Variants in ARHGEF3 observed in about 807,000 individuals in gnomAD.
ARHGEF3 encodes the protein Rho guanine nucleotide exchange factor 3, also known as 59.8 kDA protein.
ARHGEF3 carries 28 observed loss-of-function variants against 63.2 expected under a neutral mutation model. The observed-to-expected ratio is 0.44, with a 90% CI of 0.33 to 0.61. The LOEUF (loss-of-function observed/expected upper bound fraction) is 0.61. ARHGEF3 is among the 20% of genes least tolerant of loss of function. ARHGEF3 has a pLI of 0.03. For synonymous variants in ARHGEF3, 266 were observed against 254.2 expected (o/e 1.05, Z -0.44); for missense variants, 533 against 659.3 (o/e 0.81, Z 2.10).
intron 2 of ARHGEF3, among the ~76,000 whole-genome samples, chr3:57,013,994 G>A (rs901344765): frequency 6.6e-6 from 1 of 152,172 alleles, no homozygotes; most frequent in Non-Finnish European, 1.5e-5. Flanking sequence ...TCTTGCTGCT[G>A]CTCACTCTTT....
intron 1 of ARHGEF3, among the ~76,000 whole-genome samples, chr3:57,047,377 A>C (rs750706761): frequency 2.0e-4 from 28 of 136,966 alleles, no homozygotes; most frequent in Admixed American, 3.7e-4. Flanking sequence ...AAAAACAAAC[A>C]AAAAAAAAAC....
chr3:56,995,267 G>T (rs1267838331), intron 2 of ARHGEF3, among the ~76,000 whole-genome samples: 1 of 151,992 alleles, frequency 6.6e-6, no homozygotes, highest in Non-Finnish European at 1.5e-5. Context: ...TCTGGGGGGT[G>T]GAGTTCAGTG....
At chr3:56,992,233 T>C (rs1006403441) in intron 2 of ARHGEF3, among the ~76,000 whole-genome samples, 9 of 151,740 alleles carry the variant, frequency 5.9e-5, no homozygotes, top group Admixed American at 5.9e-4. Flanking sequence ...TTGCCCAGGC[T>C]AAGTATATAT....
At chr3:56,807,423 G>A (rs562425334) in intron 4 of ARHGEF3, among the ~76,000 whole-genome samples, 20 of 152,308 alleles carry the variant, frequency 1.3e-4, no homozygotes, top group Admixed American at 1.2e-3. Flanking sequence ...TGAATAAGGA[G>A]CTCAAGGAAC....
At chr3:56,751,441 A>C in intron 4 of ARHGEF3, 45 bp from the exon 5 acceptor site, 1 of 1,526,492 alleles carries the variant, frequency 6.6e-7, no homozygotes, top group Non-Finnish European at 9.1e-7. Context: ...TTAAAATCAG[A>C]GGAAGTACAT....
chr3:56,847,646 C>T (rs1283763248), intron 4 of ARHGEF3, among the ~76,000 whole-genome samples: 4 of 152,086 alleles, frequency 2.6e-5, no homozygotes, highest in Non-Finnish European at 5.9e-5. Context: ...GGCGTGGTCT[C>T]GGCTCACTGC....
intron 3 of ARHGEF3, among the ~76,000 whole-genome samples, chr3:56,929,308 AC>A (rs2042352118): frequency 6.6e-6 from 1 of 152,158 alleles, no homozygotes; most frequent in African/African-American, 2.4e-5. Flanking sequence ...TCACAGCCCA[AC>A]TTTCTTCTGC....
At chr3:56,851,213 A>C (rs1209231206) in intron 4 of ARHGEF3, among the ~76,000 whole-genome samples, 1 of 152,040 alleles carries the variant, frequency 6.6e-6, no homozygotes, top group Non-Finnish European at 1.5e-5. Context: ...GTTAAGGACA[A>C]AAGGCTATTG....
rs150260417 is a variant in ARHGEF3, at chr3:57,014,042, C to T, written c.62+21046G>A. ...CCTTTATGAGCTGTAACACTCACCG[C>T]GAAGGTCTGGAGCTTCACTCTTAAA... is the stretch of plus-strand genomic sequence containing the variant. On this transcript the variant is annotated intron_variant, in intron 2 of 12. Coordinates refer to the ARHGEF3 transcript ENST00000338458. Among the ~76,000 whole-genome samples, 276 of 152,214 alleles carry T rather than the reference C, an allele frequency of 1.8e-3. 1 individual carries two copies. The highest frequency in any genetic ancestry group is 3.4e-3 in the Middle Eastern group (1 of 294).
At chr3:56,827,403 T>C (rs2038761642) in intron 4 of ARHGEF3, among the ~76,000 whole-genome samples, 1 of 152,060 alleles carries the variant, frequency 6.6e-6, no homozygotes, top group Admixed American at 6.5e-5. Context: ...ATGAACTGAG[T>C]GGTCCAGGTT....
At chr3:56,837,562 C>A (rs981687457) in intron 4 of ARHGEF3, among the ~76,000 whole-genome samples, 2 of 152,156 alleles carry the variant, frequency 1.3e-5, no homozygotes, top group African/African-American at 4.8e-5. Flanking sequence ...AGAAATAGAC[C>A]ATTTCATGAA....
At position 56,731,895 on chromosome 3, in the gene ARHGEF3, A is replaced by G. The variant is rs2033187796; in HGVS notation, c.1228+343T>C. 4 of 471,084 alleles carry G rather than the reference A, an allele frequency of 8.5e-6. No homozygotes were observed. In the South Asian group the frequency reaches 8.7e-5, roughly 10 times the overall value. 29.2% of individuals were successfully genotyped at this position (471,084 alleles called of 1,614,324 possible). A position where few individuals can be genotyped will look rare whatever the true frequency, so the allele number is the denominator to read the frequency against. The stretch of plus-strand genomic sequence containing the variant: ...ACCCACCATAACGCAACTGGCATCC[A>G]TGTAGGGACTATCTGGTATTAAGCA... On this transcript the variant is annotated intron_variant, in intron 9 of 9. Transcript: ENST00000296315.
intron 3 of ARHGEF3, among the ~76,000 whole-genome samples, chr3:56,947,224 A>G (rs572931180): frequency 1.3e-5 from 2 of 152,176 alleles, no homozygotes; most frequent in East Asian, 1.9e-4. Context: ...ATCAACTAAC[A>G]AGCAAAATAA....
intron 3 of ARHGEF3, among the ~76,000 whole-genome samples, chr3:56,923,723 C>T (rs1380799550): frequency 6.6e-6 from 1 of 152,144 alleles, no homozygotes; most frequent in East Asian, 1.9e-4. Context: ...TCAGAGTGTT[C>T]ATTCTGCCTA....
At chr3:56,821,767 C>A (rs982162224) in intron 4 of ARHGEF3, among the ~76,000 whole-genome samples, 2 of 152,070 alleles carry the variant, frequency 1.3e-5, no homozygotes, top group Non-Finnish European at 2.9e-5. Context: ...AGTTTGAGAC[C>A]AGCCTGGCCA....
At chr3:56,843,972 C>T (rs565055825) in intron 4 of ARHGEF3, among the ~76,000 whole-genome samples, 63 of 152,258 alleles carry the variant, frequency 4.1e-4, no homozygotes, top group Middle Eastern at 3.4e-3. Context: ...GCCTTGGACT[C>T]ATTAAACATC....
intron 1 of ARHGEF3, among the ~76,000 whole-genome samples, chr3:57,057,810 T>C (rs1705010052): frequency 6.6e-6 from 1 of 151,990 alleles, no homozygotes. Flanking sequence ...TGATATAGAG[T>C]AAGTGAATGA....
intron 2 of ARHGEF3, among the ~76,000 whole-genome samples, chr3:57,014,219 G>A (rs187217427): frequency 6.6e-6 from 1 of 152,148 alleles, no homozygotes; most frequent in African/African-American, 2.4e-5. Context: ...AAACACGTCT[G>A]AATATCCGAA....
rs546985053 is a variant in ARHGEF3, at chr3:56,937,668, C to T, written c.129+21155G>A. On this transcript the variant is annotated intron_variant, in intron 3 of 12. Coordinates refer to the ARHGEF3 transcript ENST00000338458. ...CCTGCTAGAACAAGTATTGTATATACATCTTCAGTTGAGCCCCAGAGGAAG... is the reference window on the plus strand; with the variant it reads ...CCTGCTAGAACAAGTATTGTATATATATCTTCAGTTGAGCCCCAGAGGAAG... Among the ~76,000 whole-genome samples, 3 of 152,306 alleles carry T rather than the reference C, an allele frequency of 2.0e-5. No homozygotes were observed. The East Asian group carries it at 5.8e-4, about 29-fold the overall frequency.
Sources: gnomAD v4.1 joint callset for allele counts (sites outside exome capture counted in the v4.1 genomes callset) on GRCh38, gnomAD v4.1.1 for gene constraint, MANE v1.5 for transcripts, NCBI Gene and HGNC (gene_info 2026-07-23, HGNC 2026-07-21) for gene names.